Variants in PEX1 observed in about 807,000 individuals in gnomAD.
The protein encoded by PEX1 is peroxisomal biogenesis factor 1, also known as peroxisomal ATPase PEX1.
PEX1 carries 97 observed loss-of-function variants against 152.5 expected under a neutral mutation model. That is an observed-to-expected ratio of 0.64 (90% confidence interval 0.54 to 0.75). The LOEUF (loss-of-function observed/expected upper bound fraction) is 0.75. PEX1 is among the 30% of genes least tolerant of loss of function. The pLI is 0.00. For missense variants in PEX1, 1,357 were observed against 1,516.3 expected (o/e 0.89, Z 1.74); for synonymous variants, 485 against 531.6 (o/e 0.91, Z 1.21).
intron 1 of PEX1, 84 bp from the exon 2 acceptor site, chr7:92,522,329 C>A: frequency 1.5e-6 from 2 of 1,339,752 alleles, no homozygotes; most frequent in Non-Finnish European, 2.1e-6. Context: ...TATTACAATT[C>A]ACATGTCCAA....
At chr7:92,487,670 T>G in intron 23 of PEX1, 129 bp from the exon 24 acceptor site, 1 of 472,954 alleles carries the variant, frequency 2.1e-6, no homozygotes, top group Non-Finnish European at 3.7e-6. Context: ...AAAAAAAAAT[T>G]CCAGTCACAG....
chr7:92,492,996 T>C lies in PEX1; in HGVS notation c.3164A>G (p.Gln1055Arg). Residue 1055 changes from glutamine to arginine, a missense_variant, in exon 20 of 24, where the codon CAA (glutamine) becomes CGA (arginine). Physicochemically the swap from Gln to Arg is conservative, Grantham distance 43. Transcript: ENST00000248633. ...ADLKALLYNA[Q>R]LEALHGMLLS... is the part of the protein sequence containing the mutation. ...CAGCATTCCATGTAAGGCCTCCAAT[T>C]GGGCATTGTAAAGTAAAGCTTTCAG... is the stretch of plus-strand genomic sequence containing the variant. The C allele has an allele frequency of 1.2e-5, 19 of 1,613,902 alleles. No homozygotes were observed. Among genetic ancestry groups the C allele is most frequent in the Non-Finnish European group, 1.6e-5 (19 of 1,179,830 alleles).
chr7:92,502,224 G>A, intron 13 of PEX1, 145 bp from the exon 14 acceptor site: 1 of 637,596 alleles, frequency 1.6e-6, no homozygotes. Flanking sequence ...GGGGAGGAAT[G>A]GGTAGTAAAA....
chr7:92,492,943 T>C lies in PEX1; in HGVS notation c.3207+10A>G. ...ATAAAATGTCATAACAACTTCCTCA[T>C]ATAACTTGCCTGGAGTCCACTCGAG... On this transcript the variant is annotated intron_variant, in intron 20 of 23. Coordinates refer to ENST00000248633, the MANE Select transcript of PEX1 (RefSeq NM_000466.3). The C allele has an allele frequency of 6.2e-7, 1 of 1,606,612 alleles. No individual in the cohort carries two copies. Among genetic ancestry groups the C allele is most frequent in the Non-Finnish European group, 8.5e-7 (1 of 1,173,216 alleles).
intron 1 of PEX1, among the ~76,000 whole-genome samples, chr7:92,524,366 C>T (rs2116278120): frequency 6.6e-6 from 1 of 151,914 alleles, no homozygotes; most frequent in Middle Eastern, 3.4e-3. Flanking sequence ...CTCCCAGATT[C>T]AAGCAATTCT....
intron 8 of PEX1, among the ~76,000 whole-genome samples, chr7:92,510,462 T>C (rs1168371552): frequency 6.6e-6 from 1 of 151,438 alleles, no homozygotes; most frequent in African/African-American, 2.4e-5. Flanking sequence ...TGAGACACCG[T>C]CTTTTAAAAA....
At chr7:92,519,141 A>G in intron 2 of PEX1, 63 bp from the exon 3 acceptor site, 4 of 892,022 alleles carry the variant, frequency 4.5e-6, no homozygotes, top group Non-Finnish European at 7.3e-6. Flanking sequence ...ATATTAGAAA[A>G]TAAGAAGTTA....
intron 15 of PEX1, among the ~76,000 whole-genome samples, chr7:92,500,598 A>G (rs1355691712): frequency 2.0e-5 from 3 of 152,256 alleles, no homozygotes; most frequent in South Asian, 2.1e-4. Context: ...GTTCTCTCAC[A>G]CTGGTTTTAA....
At chr7:92,488,357 A>G (rs181152510) in intron 23 of PEX1, among the ~76,000 whole-genome samples, 95 of 152,298 alleles carry the variant, frequency 6.2e-4, no homozygotes, top group African/African-American at 2.2e-3. Context: ...TAACGTATGT[A>G]CACATACATA....
Position 92,522,195 on chromosome 7 carries a change from C to G in PEX1, c.180G>C (p.Trp60Cys). 6.2e-7 allele frequency: 1 copy of G among 1,614,038 alleles called. No homozygotes were observed. Among genetic ancestry groups the G allele is most frequent in the Non-Finnish European group, 8.5e-7 (1 of 1,179,948 alleles). ...GATCACTAAAATGCCTGCCTTCCAC[C>G]CAGCTCAAGAATGCAGGCTGGTGAC... is the stretch of plus-strand genomic sequence containing the variant. The part of the protein sequence containing the change: ...VWSHQPAFLS[W>C]VEGRHFSDQG... Residue 60 changes from tryptophan (W) to cysteine (C), a missense_variant, in exon 2 of 24, where the codon TGG becomes TGC. By Grantham distance (215) the Trp-to-Cys change is radical (BLOSUM62 -2). Transcript: ENST00000248633.
intron 16 of PEX1, among the ~76,000 whole-genome samples, chr7:92,499,113 A>C (rs2116128175): frequency 6.6e-6 from 1 of 152,282 alleles, no homozygotes; most frequent in South Asian, 2.1e-4. Context: ...GGAACCCCCC[A>C]CACTGCTAGT....
At chr7:92,519,785 T>C (rs1457999599) in intron 2 of PEX1, among the ~76,000 whole-genome samples, 3 of 152,340 alleles carry the variant, frequency 2.0e-5, no homozygotes, top group East Asian at 3.9e-4. Context: ...TTTAAATATA[T>C]GTAACACTAG....
intron 16 of PEX1, among the ~76,000 whole-genome samples, chr7:92,497,707 A>C (rs1174202121): frequency 6.6e-6 from 1 of 151,754 alleles, no homozygotes; most frequent in African/African-American, 2.4e-5. Context: ...ATCTATTAAC[A>C]TAATAATATT....
intron 13 of PEX1, 61 bp from the exon 14 acceptor site, chr7:92,502,140 T>C: frequency 2.5e-6 from 3 of 1,189,514 alleles, no homozygotes; most frequent in Non-Finnish European, 3.7e-6. Flanking sequence ...TTTTTGAATG[T>C]ATATTTGGAG....
At chr7:92,528,285 T>A in intron 1 of PEX1, 22 bp downstream of exon 1, 1 of 1,549,480 alleles carries the variant, frequency 6.5e-7, no homozygotes, top group Non-Finnish European at 8.7e-7. Context: ...GAAGATCAGG[T>A]GGCTCGGGGC....
At chr7:92,526,347 T>C (rs1302018874) in intron 1 of PEX1, among the ~76,000 whole-genome samples, 1 of 152,214 alleles carries the variant, frequency 6.6e-6, no homozygotes, top group African/African-American at 2.4e-5. Flanking sequence ...AAGTCTGACA[T>C]AGGCCAGAAA....
chr7:92,505,303 C>G (rs1419390237), intron 11 of PEX1, among the ~76,000 whole-genome samples: 5 of 151,598 alleles, frequency 3.3e-5, no homozygotes, highest in African/African-American at 1.2e-4. Context: ...GTCCCAATTA[C>G]TCGGGAGGTT....
intron 15 of PEX1, among the ~76,000 whole-genome samples, chr7:92,500,635 C>T (rs1203470394): frequency 6.6e-6 from 1 of 152,186 alleles, no homozygotes; most frequent in Non-Finnish European, 1.5e-5. Flanking sequence ...TCAACATGTC[C>T]CAGGCCCCAG....
chr7:92,512,166 G>C (rs542866716), intron 6 of PEX1, among the ~76,000 whole-genome samples: 1 of 152,092 alleles, frequency 6.6e-6, no homozygotes, highest in Non-Finnish European at 1.5e-5. Flanking sequence ...CCAAGTAGCT[G>C]GGATTATAGA....
Sources: allele counts gnomAD v4.1 joint callset (sites outside exome capture counted in the v4.1 genomes callset), GRCh38; gene constraint gnomAD v4.1.1; transcripts MANE v1.5; gene names NCBI Gene and HGNC (gene_info 2026-07-23, HGNC 2026-07-21).